GRIP1: variants seen among roughly 807,000 people sequenced by gnomAD.
GRIP1 encodes glutamate receptor interacting protein 1.
A neutral mutation model predicts 129.9 loss-of-function variants in GRIP1; 45 were observed. The observed-to-expected ratio is 0.35, with a 90% CI of 0.27 to 0.44. The LOEUF (loss-of-function observed/expected upper bound fraction) is 0.44. GRIP1 is among the 20% of genes least tolerant of loss of function. GRIP1 has a pLI of 1.00. For synonymous variants in GRIP1, 530 were observed against 520.8 expected (o/e 1.02, Z -0.24); for missense variants, 1,196 against 1,396.8 (o/e 0.86, Z 2.29).
At chr12:66,733,057 T>C (rs2036488468) in intron 1 of GRIP1, among the ~76,000 whole-genome samples, 2 of 152,182 alleles carry the variant, frequency 1.3e-5, no homozygotes, top group Admixed American at 1.3e-4. Flanking sequence ...TCTTGCTGTG[T>C]TGCCCAGGTT....
At chr12:67,067,383 G>C (rs2043647718) in intron 1 of GRIP1, among the ~76,000 whole-genome samples, 3 of 152,142 alleles carry the variant, frequency 2.0e-5, no homozygotes, top group African/African-American at 7.2e-5. Context: ...TTAATGCCAA[G>C]TACATTGTGA....
chr12:66,740,132 G>A lies in GRIP1; in HGVS notation c.-420+63921C>T, dbSNP rs77628392. Among the ~76,000 whole-genome samples the A allele has an allele frequency of 6.2e-4, 94 of 152,300 alleles. 1 individual carries two copies. The East Asian group carries it at 0.014, about 22-fold the overall frequency. On this transcript the variant is annotated intron_variant, in intron 1 of 4. Transcript: ENST00000538373. ...CTGTGCCAAGAAACCTGGTGACTGGGTGTGGTCTGGCAATCAGATGTCCTT... is the reference window on the plus strand; with the variant it reads ...CTGTGCCAAGAAACCTGGTGACTGGATGTGGTCTGGCAATCAGATGTCCTT...
chr12:66,809,464 T>C (rs768460665), intron 1 of GRIP1, among the ~76,000 whole-genome samples: 2 of 152,154 alleles, frequency 1.3e-5, no homozygotes, highest in Admixed American at 6.5e-5. Flanking sequence ...GCAGCCTTCA[T>C]GTAGCCTTGG....
intron 1 of GRIP1, among the ~76,000 whole-genome samples, chr12:67,052,627 G>A (rs960369609): frequency 6.6e-6 from 1 of 152,058 alleles, no homozygotes; most frequent in Non-Finnish European, 1.5e-5. Context: ...GGGTGTGGTG[G>A]CGGGTGCCTG....
chr12:66,580,563 A>T (rs1484799625), intron 2 of GRIP1, among the ~76,000 whole-genome samples: 1 of 151,568 alleles, frequency 6.6e-6, no homozygotes, highest in African/African-American at 2.4e-5. Flanking sequence ...ATGGAGGAAG[A>T]TCTACCAAGC....
intron 1 of GRIP1, among the ~76,000 whole-genome samples, chr12:66,901,269 A>T (rs2040839796): frequency 6.6e-6 from 1 of 152,244 alleles, no homozygotes; most frequent in African/African-American, 2.4e-5. Flanking sequence ...CTGCAATTTC[A>T]CATGATGAGG....
At position 66,390,091 on chromosome 12, in the gene GRIP1, G is replaced by A. The variant is rs555777755; in HGVS notation, c.2464+2217C>T. On this transcript the variant is annotated intron_variant, in intron 19 of 24. Transcript: ENST00000359742. Reference sequence around the variant, plus strand: ...AGAGCTTTAGAGTCATCAGAGCTACGTGGAGATGGGGGGCTGCCTCAGCAC... The same window carrying A: ...AGAGCTTTAGAGTCATCAGAGCTACATGGAGATGGGGGGCTGCCTCAGCAC... 9.3e-4 allele frequency among the ~76,000 whole-genome samples: 141 copies of A among 152,298 alleles called. No homozygotes were observed. The South Asian group carries it at 0.011, about 12-fold the overall frequency.
At chr12:66,469,464 C>T (rs2059376284) in intron 7 of GRIP1, among the ~76,000 whole-genome samples, 2 of 152,072 alleles carry the variant, frequency 1.3e-5, no homozygotes, top group Non-Finnish European at 2.9e-5. Flanking sequence ...ATCCTCAGAC[C>T]TTCAAATATT....
At chr12:67,030,697 A>C (rs768321045) in intron 1 of GRIP1, among the ~76,000 whole-genome samples, 9 of 152,202 alleles carry the variant, frequency 5.9e-5, no homozygotes, top group Non-Finnish European at 1.2e-4. Context: ...ACTGTGAAAA[A>C]GTGCTAGGGT....
chr12:66,850,972 T>C (rs992890540), intron 1 of GRIP1, among the ~76,000 whole-genome samples: 1 of 148,988 alleles, frequency 6.7e-6, no homozygotes, highest in Non-Finnish European at 1.5e-5. Context: ...CTAAGGTATC[T>C]AGTATGATAT....
intron 1 of GRIP1, among the ~76,000 whole-genome samples, chr12:67,016,710 T>A (rs2042793377): frequency 6.6e-6 from 1 of 152,060 alleles, no homozygotes; most frequent in Non-Finnish European, 1.5e-5. Context: ...TTGGAGCCGT[T>A]TTTAGAAACA....
At chr12:66,501,900 T>C (rs573187831) in intron 7 of GRIP1, among the ~76,000 whole-genome samples, 2 of 152,306 alleles carry the variant, frequency 1.3e-5, no homozygotes, top group Admixed American at 1.3e-4. Context: ...ACACCTACTG[T>C]GAGAATGCTG....
intron 1 of GRIP1, among the ~76,000 whole-genome samples, chr12:66,664,536 A>C (rs936113931): frequency 9.2e-5 from 14 of 152,160 alleles, no homozygotes; most frequent in African/African-American, 3.4e-4. Context: ...TAGAGAACTA[A>C]AATGTGCCTT....
At chr12:66,378,809 T>C (rs1398589745) in intron 20 of GRIP1, among the ~76,000 whole-genome samples, 1 of 151,884 alleles carries the variant, frequency 6.6e-6, no homozygotes, top group South Asian at 2.1e-4. Context: ...TAGGCACATG[T>C]GGTGGCACAG....
At chr12:66,748,259 C>T (rs548365195) in intron 1 of GRIP1, among the ~76,000 whole-genome samples, 61 of 152,208 alleles carry the variant, frequency 4.0e-4, no homozygotes, top group Middle Eastern at 6.8e-3. Context: ...TCAAGTGATC[C>T]GCCCACCTTG....
At chr12:66,873,515 C>T (rs895666267) in intron 1 of GRIP1, among the ~76,000 whole-genome samples, 1 of 151,992 alleles carries the variant, frequency 6.6e-6, no homozygotes, top group African/African-American at 2.4e-5. Context: ...CTATAGATCT[C>T]GAAAGGGTAT....
At chr12:66,896,833 G>A (rs909533672) in intron 1 of GRIP1, among the ~76,000 whole-genome samples, 2 of 152,338 alleles carry the variant, frequency 1.3e-5, no homozygotes, top group Admixed American at 6.5e-5. Flanking sequence ...TAAGAAGATA[G>A]CTTGGCAGTT....
At chr12:66,840,387 T>G (rs1168052955) in intron 1 of GRIP1, among the ~76,000 whole-genome samples, 2 of 152,128 alleles carry the variant, frequency 1.3e-5, no homozygotes, top group Non-Finnish European at 2.9e-5. Flanking sequence ...AACCCAACAT[T>G]TTTCTAATGT....
At chr12:66,620,318 T>A (rs1565916284) in intron 1 of GRIP1, among the ~76,000 whole-genome samples, 1 of 152,154 alleles carries the variant, frequency 6.6e-6, no homozygotes, top group Admixed American at 6.6e-5. Flanking sequence ...CTCTCAAAAT[T>A]AGGTTCAATG....
Sources: gnomAD v4.1 joint callset for allele counts (sites outside exome capture counted in the v4.1 genomes callset) on GRCh38, gnomAD v4.1.1 for gene constraint, MANE v1.5 for transcripts, NCBI Gene and HGNC (gene_info 2026-07-23, HGNC 2026-07-21) for gene names.